Variants in SUN1 observed in about 807,000 individuals in gnomAD.
SUN1 encodes SUN domain-containing protein 1.
SUN1 carries 61 observed loss-of-function variants against 103.2 expected under a neutral mutation model. The ratio of observed to expected loss-of-function variants is 0.59; its 90% CI spans 0.48 to 0.73. The LOEUF is 0.73. Ranked by LOEUF, SUN1 falls within the 30% of genes least tolerant of loss-of-function variation. SUN1 has a pLI of 0.00. For synonymous variants in SUN1, 490 were observed against 425.7 expected, an observed-to-expected ratio of 1.15 and a Z score of -1.86; for missense variants, 1,052 against 1,034.6, an observed-to-expected ratio of 1.02 and a Z score of -0.23.
At position 871,247 on chromosome 7, in the gene SUN1, A is replaced by G. The variant is rs548621151; in HGVS notation, c.2149-1223A>G. 1.4e-3 allele frequency among the ~76,000 whole-genome samples: 220 copies of G among 151,972 alleles called. 1 individual carries two copies. The highest frequency in any genetic ancestry group is 6.8e-3 in the Middle Eastern group (2 of 294). ...GTAAATTCTAGTCTTCTTTTTGTTC[A>G]TTTACCTTTTGGGATCTTAGTTTCC... On this transcript the variant is annotated intron_variant, in intron 17 of 18. Coordinates refer to ENST00000401592, the MANE Select transcript of SUN1 (RefSeq NM_001130965.3).
At chr7:869,303 A>G in intron 16 of SUN1, 46 bp from the exon 17 acceptor site, 2 of 1,585,734 alleles carry the variant, frequency 1.3e-6, no homozygotes, top group Non-Finnish European at 1.7e-6. Context: ...CTAAGTGGGT[A>G]AGAGCATGCT....
At chr7:824,340 G>A (rs1322396765) in intron 1 of SUN1, among the ~76,000 whole-genome samples, 1 of 152,216 alleles carries the variant, frequency 6.6e-6, no homozygotes, top group South Asian at 2.1e-4. Context: ...GCTGAGTGTG[G>A]CTGCAGCACA....
intron 3 of SUN1, 91 bp from the exon 4 acceptor site, chr7:843,115 T>G (rs1205202786): frequency 5.4e-5 from 84 of 1,563,636 alleles, no homozygotes; most frequent in Non-Finnish European, 6.3e-5. Context: ...TTAACCATTG[T>G]AACCTTTACA....
Position 848,559 on chromosome 7 carries a change from A to G in SUN1, c.659-2825A>G, listed in dbSNP as rs114165930. 3,528 of 1,358,568 alleles carry G rather than the reference A, an allele frequency of 2.6e-3. 77 individuals carry two copies. The African/African-American group carries it at 0.047, about 18-fold the overall frequency. The allele number at this position is 1,358,568 out of a possible 1,614,324, so 84.2% of individuals were successfully genotyped here. Reference sequence around the variant, plus strand: ...TCAGAAAATTACAAATTGAAAACTCATGAATCAAAAGATTGTGAATCCGAA... The same window carrying G: ...TCAGAAAATTACAAATTGAAAACTCGTGAATCAAAAGATTGTGAATCCGAA... On this transcript the variant is annotated intron_variant, in intron 5 of 18. Coordinates refer to ENST00000401592, the MANE Select transcript of SUN1 (RefSeq NM_001130965.3).
intron 3 of SUN1, 57 bp from the exon 4 acceptor site, chr7:843,149 T>C: frequency 1.3e-6 from 2 of 1,597,518 alleles, no homozygotes; most frequent in South Asian, 1.1e-5. Context: ...TTTGTTCTTA[T>C]TTGATAAGCT....
At chr7:854,889 C>T (rs370251579) in intron 10 of SUN1, 31 bp from the exon 11 acceptor site, 6 of 1,541,906 alleles carry the variant, frequency 3.9e-6, no homozygotes, top group Admixed American at 3.6e-5. Context: ...TAACTTTCTC[C>T]ATCATTTGTT....
intron 1 of SUN1, among the ~76,000 whole-genome samples, chr7:837,873 T>C (rs1296281589): frequency 6.6e-6 from 1 of 152,228 alleles, no homozygotes; most frequent in Non-Finnish European, 1.5e-5. Context: ...GTGTAAAATA[T>C]TCTGCTAGAA....
rs1367924684 is a variant in SUN1 at position 873,633 on chromosome 7, C to G, written c.*302C>G. ...CATTTGCATTTCCTCAACAAAGGAGCAAAGCAGAGGAAGCTGAGAGTCTGG... is the reference window on the plus strand; with the variant it reads ...CATTTGCATTTCCTCAACAAAGGAGGAAAGCAGAGGAAGCTGAGAGTCTGG... On this transcript the variant is annotated 3_prime_UTR_variant, in exon 19 of 19. Transcript: ENST00000401592. 1 of 289,210 alleles carries G rather than the reference C, an allele frequency of 3.5e-6. No homozygotes were observed. Among genetic ancestry groups the G allele is most frequent in the African/African-American group, 2.2e-5 (1 of 45,886 alleles). The allele number at this position is 289,210 out of a possible 1,614,324, so 17.9% of individuals were successfully genotyped here. A position where few individuals can be genotyped will look rare whatever the true frequency, so the allele number is the denominator to read the frequency against.
In SUN1 at chr7:849,743, C is replaced by T. The variant is rs1820089851; in HGVS notation, c.659-1641C>T. On this transcript the variant is annotated intron_variant, in intron 5 of 18. Coordinates refer to ENST00000401592, the MANE Select transcript of SUN1 (RefSeq NM_001130965.3). ...TGATGACGACGGGCTGTTGGAGCTGCTGCTTAAGCCCTCATCACAGAAGCT... is the reference window on the plus strand; with the variant it reads ...TGATGACGACGGGCTGTTGGAGCTGTTGCTTAAGCCCTCATCACAGAAGCT... 7 of 1,114,098 alleles carry T rather than the reference C, an allele frequency of 6.3e-6. No individual in the cohort carries two copies. The South Asian group carries it at 6.6e-5, about 10-fold the overall frequency. 69.0% of individuals were successfully genotyped at this position (1,114,098 alleles called of 1,614,324 possible).
At chr7:824,010 C>T (rs946150990) in intron 1 of SUN1, among the ~76,000 whole-genome samples, 3 of 152,208 alleles carry the variant, frequency 2.0e-5, no homozygotes, top group African/African-American at 7.2e-5. Flanking sequence ...GCAGACCATG[C>T]TTGTGTTCTT....
chr7:827,283 C>T (rs1438572486), intron 1 of SUN1, among the ~76,000 whole-genome samples: 1 of 152,168 alleles, frequency 6.6e-6, no homozygotes, highest in Non-Finnish European at 1.5e-5. Flanking sequence ...GCCTTGGCCT[C>T]CCAGAGTGCT....
chr7:844,403 C>T (rs189970226), intron 5 of SUN1, among the ~76,000 whole-genome samples: 77 of 152,318 alleles, frequency 5.1e-4, no homozygotes, highest in African/African-American at 1.5e-3. Flanking sequence ...TTATCCACTC[C>T]GAGCCTGGCA....
At chr7:844,899 C>T (rs1055525145) in intron 5 of SUN1, among the ~76,000 whole-genome samples, 14 of 152,170 alleles carry the variant, frequency 9.2e-5, no homozygotes, top group Admixed American at 2.6e-4. Flanking sequence ...GAGCACTTGG[C>T]ACCCCAGGGC....
At chr7:828,737 C>T (rs1312361524), upstream of SUN1, among the ~76,000 whole-genome samples, 2 of 152,220 alleles carry the variant, frequency 1.3e-5, no homozygotes, top group Non-Finnish European at 2.9e-5. Context: ...ACAGGCATCC[C>T]TGGCCGCTGT....
At chr7:815,865 A>C, upstream of SUN1, 1 of 212,812 alleles carries the variant, frequency 4.7e-6, no homozygotes, top group Non-Finnish European at 9.8e-6. Flanking sequence ...AGCGGCGGGG[A>C]ATTGGGGTGG....
rs776061185 is a variant in SUN1 at position 838,789 on chromosome 7, T to G, written c.78-9T>G. 12 of 1,534,550 alleles carry G rather than the reference T, an allele frequency of 7.8e-6. No homozygotes were observed. Among genetic ancestry groups the G allele is most frequent in the Non-Finnish European group, 1.1e-5 (12 of 1,136,094 alleles). On this transcript the variant is annotated splice_polypyrimidine_tract_variant and intron_variant, in intron 1 of 18. Transcript: ENST00000401592. The stretch of plus-strand genomic sequence containing the variant: ...CACTGCTTACCTCTGATGAGCTTTT[T>G]CCTTCTAGTTCCAGCTATTCTTCAG...
intron 1 of SUN1, chr7:817,589 A>T (rs1781993927): frequency 4.8e-6 from 7 of 1,459,060 alleles, no homozygotes; most frequent in Non-Finnish European, 6.5e-6. Flanking sequence ...GCTGCCCATA[A>T]TTGTGTCTTC....
At chr7:860,950 C>T (rs1286223026) in intron 14 of SUN1, among the ~76,000 whole-genome samples, 2 of 152,198 alleles carry the variant, frequency 1.3e-5, no homozygotes, top group Non-Finnish European at 2.9e-5. Context: ...CCCCCACCCG[C>T]TCCCTGCCAC....
intron 1 of SUN1, among the ~76,000 whole-genome samples, chr7:835,968 G>C (rs558432001): frequency 1.3e-5 from 2 of 152,248 alleles, no homozygotes; most frequent in Admixed American, 6.5e-5. Flanking sequence ...AGCAGGGGCA[G>C]ATGCTGCTGG....
Sources: allele counts gnomAD v4.1 joint callset (sites outside exome capture counted in the v4.1 genomes callset), GRCh38; gene constraint gnomAD v4.1.1; transcripts MANE v1.5; gene names NCBI Gene and HGNC (gene_info 2026-07-23, HGNC 2026-07-21).